Variants in CENPN observed in about 807,000 individuals in gnomAD.
The protein encoded by CENPN is interphase centromere complex protein 32.
A neutral mutation model predicts 48.6 loss-of-function variants in CENPN; 36 were observed. The observed-to-expected ratio is 0.74, with a 90% CI of 0.57 to 0.98. The LOEUF (loss-of-function observed/expected upper bound fraction) is 0.98, where lower values mean the gene tolerates loss of function less well. Ranked by LOEUF, CENPN falls within the 50% of genes least tolerant of loss-of-function variation. CENPN has a pLI of 0.00. For synonymous variants in CENPN, 166 were observed against 135.2 expected (o/e 1.23, Z -1.58); for missense variants, 439 against 399.2 (o/e 1.10, Z -0.85).
chr16:81,010,222 A>G (rs1490083163), intron 1 of CENPN, among the ~76,000 whole-genome samples: 1 of 152,012 alleles, frequency 6.6e-6, no homozygotes. Context: ...AATAAATATC[A>G]TGTTTGCTTG....
Position 81,028,614 on chromosome 16 carries a change from A to G in CENPN, c.983A>G (p.Asn328Ser), listed in dbSNP as rs765086061. 1.2e-6 allele frequency: 2 copies of G among 1,612,088 alleles called. No homozygotes were observed. Among genetic ancestry groups the G allele is most frequent in the Admixed American group, 1.7e-5 (1 of 59,536 alleles). ...PLSPLLTCIP[N>S]KRMNYFKIRD... ...TCTCCACTGCTCACTTGCATACCCAACAAGAGAATGAATTATTTTAAAATT... is the reference window on the plus strand; with the variant it reads ...TCTCCACTGCTCACTTGCATACCCAGCAAGAGAATGAATTATTTTAAAATT... The change falls in exon 11 of 11, where the codon AAC (asparagine) becomes AGC (serine). Residue 328 changes from asparagine (N) to serine (S), a missense_variant. Transcript: ENST00000305850.
intron 5 of CENPN, among the ~76,000 whole-genome samples, chr16:81,018,292 G>A: frequency 6.6e-6 from 1 of 151,662 alleles, no homozygotes. Context: ...TTCTGCCTCT[G>A]CCTCCCGAGT....
rs1426359637 is a variant in CENPN at position 81,024,758 on chromosome 16, G to A, written c.677G>A (p.Ser226Asn). Residue 226 changes from serine (S) to asparagine (N), a missense_variant, in exon 8 of 11, where the codon AGC becomes AAC. Physicochemically the swap from Ser to Asn is conservative, Grantham distance 46. Transcript: ENST00000305850. ...HNSTTPLQER[S>N]LGLDINMDSR... ...TCTACGACACCTCTACAGGAAAGAA[G>A]CCTTGGACTAGATATAAATAGTACG... The A allele has an allele frequency of 1.2e-6, 2 of 1,609,816 alleles. No homozygotes were observed. Among genetic ancestry groups the A allele is most frequent in the Admixed American group, 1.7e-5 (1 of 59,754 alleles).
chr16:81,012,752 C>T (rs926215359), intron 2 of CENPN, among the ~76,000 whole-genome samples: 2 of 152,144 alleles, frequency 1.3e-5, no homozygotes, highest in African/African-American at 4.8e-5. Flanking sequence ...CGCACCACCA[C>T]ACTGGCTAAT....
chr16:81,010,441 A>T (rs185471934), intron 1 of CENPN, among the ~76,000 whole-genome samples: 1 of 152,300 alleles, frequency 6.6e-6, no homozygotes, highest in East Asian at 1.9e-4. Flanking sequence ...TAAGGGAGGC[A>T]CACCAGATTT....
intron 10 of CENPN, 89 bp from the exon 11 acceptor site, chr16:81,028,480 A>C: frequency 1.3e-6 from 2 of 1,559,270 alleles, no homozygotes; most frequent in Non-Finnish European, 8.7e-7. Flanking sequence ...TCCACCCTCT[A>C]ATCTCAGCCA....
chr16:81,030,872 AACCCCGACTCT>A lies in CENPN; in HGVS notation c.*2224_*2234del, dbSNP rs1970741484. ...TAGCCTTAGCAACATGGTGAAGGTG[AACCCCGACTCT>A]ACTAAAAATACAAAAATTAGCTGGG... On this transcript the variant is annotated 3_prime_UTR_variant, in exon 11 of 11. Transcript: ENST00000305850. 2 of 152,080 alleles carry A rather than the reference AACCCCGACTCT, an allele frequency of 1.3e-5. No individual in the cohort carries two copies. The highest frequency in any genetic ancestry group is 2.9e-5 in the Non-Finnish European group (2 of 68,072). The allele number at this position is 152,080 out of a possible 1,614,324, so 9.4% of individuals were successfully genotyped here. A position where few individuals can be genotyped will look rare whatever the true frequency, so the allele number is the denominator to read the frequency against.
intron 6 of CENPN, 83 bp downstream of exon 6, chr16:81,020,359 T>TTCTCTATCAAATACTTA: frequency 7.4e-7 from 1 of 1,357,266 alleles, no homozygotes; most frequent in Non-Finnish European, 9.9e-7. Flanking sequence ...TGAATAAGTA[T>TTCTCTATCAAATACTTA]TTGATAGAGA....
rs10713656 is a variant in CENPN at position 81,029,566 on chromosome 16, A to AT, written c.*925dup. ...AGACGCGCTCCATCCTGCCCAGCTA[A>AT]TTTTTTTTTTGTTTGTTTTTTGTTT... On this transcript the variant is annotated 3_prime_UTR_variant, in exon 11 of 11. Coordinates refer to ENST00000305850, the MANE Select transcript of CENPN (RefSeq NM_001100624.3). The AT allele has an allele frequency of 2.3e-4, 34 of 149,944 alleles. No homozygotes were observed. The South Asian group carries it at 5.5e-3, about 24-fold the overall frequency. 9.3% of individuals were successfully genotyped at this position (149,944 alleles called of 1,614,324 possible).
chr16:81,012,876 T>TGAGC (rs1969797889), intron 2 of CENPN, among the ~76,000 whole-genome samples: 1 of 152,236 alleles, frequency 6.6e-6, no homozygotes, highest in African/African-American at 2.4e-5. Context: ...ATTACAGGTG[T>TGAGC]GAGCCACCAT....
Position 81,028,886 on chromosome 16 carries a change from ATAT to A in CENPN, c.*236_*238del. On this transcript the variant is annotated 3_prime_UTR_variant, in exon 11 of 11. Coordinates refer to ENST00000305850, the MANE Select transcript of CENPN (RefSeq NM_001100624.3). ...TGTGGCATTTGAGATGACAGGACAT[ATAT>A]ATATATGGCCCCACACTTGACCTTG... 1 of 1,250,000 alleles carries A rather than the reference ATAT, an allele frequency of 8.0e-7. No homozygotes were observed. Among genetic ancestry groups the A allele is most frequent in the Non-Finnish European group, 1.0e-6 (1 of 996,306 alleles). The allele number at this position is 1,250,000 out of a possible 1,614,324, so 77.4% of individuals were successfully genotyped here.
At chr16:81,009,997 G>A (rs1194889710) in intron 1 of CENPN, among the ~76,000 whole-genome samples, 4 of 152,156 alleles carry the variant, frequency 2.6e-5, no homozygotes, top group African/African-American at 9.7e-5. Context: ...TCAGGAGTTC[G>A]AGACCAGCCT....
chr16:81,028,423 T>C, intron 10 of CENPN, 126 bp downstream of exon 10: 1 of 1,480,476 alleles, frequency 6.8e-7, no homozygotes, highest in Admixed American at 2.0e-5. Context: ...CTGCTCTCTC[T>C]TGCATCTTCT....
chr16:81,028,207 A>G lies in CENPN; in HGVS notation c.847A>G (p.Ile283Val). ...TKFKSGLNGSILAEREEPLRC... is the reference protein window; with the variant it reads ...TKFKSGLNGSVLAEREEPLRC... ...ATTCAAAAGTGGTTTAAATGGGAGC[A>G]TCTTGGCTGAGAGGGAAGAACCCCT... Residue 283 changes from isoleucine (I) to valine (V), a missense_variant, in exon 10 of 11, where the codon ATC (isoleucine) becomes GTC (valine). Transcript: ENST00000305850. The G allele has an allele frequency of 6.2e-7, 1 of 1,613,346 alleles. No homozygotes were observed.
intron 7 of CENPN, chr16:81,023,006 G>A (rs1221377943): frequency 5.8e-6 from 5 of 862,086 alleles, no homozygotes; most frequent in Non-Finnish European, 8.5e-6. Context: ...ATTATCTTTT[G>A]AAGCTAAATA....
intron 10 of CENPN, 22 bp from the exon 11 acceptor site, chr16:81,028,547 T>C (rs368203064): frequency 4.8e-4 from 7 of 14,648 alleles, no homozygotes; most frequent in African/African-American, 8.1e-4. Flanking sequence ...TCTTTTTCCC[T>C]TTTTTTTTTT....
intron 8 of CENPN, 49 bp downstream of exon 8, chr16:81,024,827 T>C (rs748733025): frequency 1.7e-6 from 2 of 1,206,684 alleles, no homozygotes; most frequent in Non-Finnish European, 2.4e-6. Flanking sequence ...CATCATTCCC[T>C]TATAGATTTC....
chr16:81,013,781 C>G (rs1338460293), intron 2 of CENPN, among the ~76,000 whole-genome samples: 8 of 151,740 alleles, frequency 5.3e-5, no homozygotes. Context: ...TTGTCACTGT[C>G]TTGATTGTGG....
Position 81,012,073 on chromosome 16 carries a change from A to G in CENPN, c.134A>G (p.Lys45Arg), listed in dbSNP as rs1047934063. 7.4e-6 allele frequency: 12 copies of G among 1,614,184 alleles called. No homozygotes were observed. The highest frequency in any genetic ancestry group is 9.3e-6 in the Non-Finnish European group (11 of 1,180,020). ...QLQTVNFRQR[K>R]ESVVQHLIHL... is the part of the protein sequence containing the mutation. ...CAGACTGTAAATTTCCGACAGAGAAAGGAATCTGTAGTTCAGCACTTGATC... is the reference window on the plus strand; with the variant it reads ...CAGACTGTAAATTTCCGACAGAGAAGGGAATCTGTAGTTCAGCACTTGATC... Residue 45 changes from lysine (K) to arginine (R), a missense_variant, in exon 2 of 11, where the codon AAG becomes AGG. By Grantham distance (26) the Lys-to-Arg change is conservative. Transcript: ENST00000305850.
Sources: allele counts gnomAD v4.1 joint callset (sites outside exome capture counted in the v4.1 genomes callset), GRCh38; gene constraint gnomAD v4.1.1; transcripts MANE v1.5; gene names NCBI Gene and HGNC (gene_info 2026-07-23, HGNC 2026-07-21).